TYW1B: variants seen among roughly 807,000 people sequenced by gnomAD.
TYW1B encodes S-adenosyl-L-methionine-dependent tRNA 4-demethylwyosine synthase TYW1B.
TYW1B carries 73 observed loss-of-function variants against 86.9 expected under a neutral mutation model. The observed-to-expected ratio is 0.84, with a 90% confidence interval of 0.70 to 1.02. TYW1B has a LOEUF of 1.02. TYW1B is among the 50% of genes least tolerant of loss of function. TYW1B has a pLI of 0.00. For synonymous variants in TYW1B, 248 were observed against 292.8 expected (o/e 0.85, Z 1.56); for missense variants, 637 against 827.4 (o/e 0.77, Z 2.82).
chr7:72,744,337 C>A (rs1214541326), intron 8 of TYW1B, 147 bp downstream of exon 8: 28 of 797,608 alleles, frequency 3.5e-5, no homozygotes, highest in Non-Finnish European at 4.2e-5. Context: ...TATTTGTCTA[C>A]AAAATTTTTA....
At chr7:72,767,267 T>C (rs1554468663) in intron 7 of TYW1B, among the ~76,000 whole-genome samples, 1 of 152,174 alleles carries the variant, frequency 6.6e-6, no homozygotes, top group Non-Finnish European at 1.5e-5. Flanking sequence ...CCAAGGATAA[T>C]TATTTCAAAA....
intron 11 of TYW1B, among the ~76,000 whole-genome samples, chr7:72,674,584 C>G (rs1340186468): frequency 1.3e-5 from 2 of 152,040 alleles, no homozygotes; most frequent in African/African-American, 2.4e-5. Context: ...CCAAGTCACC[C>G]AACCACGCCT....
intron 13 of TYW1B, among the ~76,000 whole-genome samples, chr7:72,603,507 G>C (rs1585840346): frequency 6.6e-6 from 1 of 152,184 alleles, no homozygotes; most frequent in Admixed American, 6.5e-5. Context: ...AACTTACATA[G>C]ATACTCTGCC....
At chr7:72,703,026 A>ATATATTTT (rs1563064838) in intron 10 of TYW1B, among the ~76,000 whole-genome samples, 2 of 35,200 alleles carry the variant, frequency 5.7e-5, no homozygotes, top group South Asian at 1.2e-3. Context: ...ATATATATAT[A>ATATATTTT]TTTTTTTTTT....
intron 13 of TYW1B, among the ~76,000 whole-genome samples, chr7:72,596,479 C>A (rs1811535339): frequency 6.6e-6 from 1 of 152,028 alleles, no homozygotes; most frequent in Non-Finnish European, 1.5e-5. Flanking sequence ...CAGAAATAAA[C>A]CCTAACAAAT....
At chr7:72,775,318 G>A (rs1287610490) in intron 7 of TYW1B, among the ~76,000 whole-genome samples, 54 of 151,970 alleles carry the variant, frequency 3.6e-4, no homozygotes, top group Non-Finnish European at 5.0e-4. Context: ...CAAGACACTC[G>A]ACAAAACCCA....
At chr7:72,707,093 C>A (rs1273509519) in intron 10 of TYW1B, among the ~76,000 whole-genome samples, 1 of 152,224 alleles carries the variant, frequency 6.6e-6, no homozygotes, top group Non-Finnish European at 1.5e-5. Flanking sequence ...GCCATCGACT[C>A]CTCCTGTCCC....
At position 72,806,415 on chromosome 7, in the gene TYW1B, T is replaced by C. The variant is rs146162199; in HGVS notation, c.723+651A>G. 6.9e-3 allele frequency among the ~76,000 whole-genome samples: 1,044 copies of C among 152,136 alleles called. 10 individuals are homozygous for C. The highest frequency in any genetic ancestry group is 0.024 in the African/African-American group (976 of 41,512). ...CACACCTGGCTAATCTTTGTATTTT[T>C]AGTAGAGGTGGGGTTTCGCCATGTT... On this transcript the variant is annotated intron_variant, in intron 5 of 13. Coordinates refer to ENST00000620995, the MANE Select transcript of TYW1B (RefSeq NM_001145440.3).
chr7:72,600,552 G>A (rs1228969958), intron 13 of TYW1B, among the ~76,000 whole-genome samples: 1 of 152,152 alleles, frequency 6.6e-6, no homozygotes, highest in Admixed American at 6.5e-5. Flanking sequence ...ATAATTAAGA[G>A]AATGAAGAGT....
chr7:72,677,150 G>C (rs560997585), intron 11 of TYW1B, among the ~76,000 whole-genome samples: 1 of 152,118 alleles, frequency 6.6e-6, no homozygotes, highest in African/African-American at 2.4e-5. Flanking sequence ...TGTATTCATT[G>C]ATTCATTCAT....
At chr7:72,632,412 C>CATATATATATATAATATATATATAT (rs1224127244) in intron 11 of TYW1B, among the ~76,000 whole-genome samples, 1 of 80,756 alleles carries the variant, frequency 1.2e-5, no homozygotes, top group Non-Finnish European at 2.2e-5. Context: ...TATATATATA[C>CATATATATATATAATATATATATAT]ATATATATAT....
chr7:72,681,820 C>T (rs1554448518), intron 11 of TYW1B, among the ~76,000 whole-genome samples: 1 of 151,598 alleles, frequency 6.6e-6, no homozygotes, highest in African/African-American at 2.4e-5. Context: ...CTCCTGAACT[C>T]GTGATCCACC....
At chr7:72,810,802 A>G in intron 3 of TYW1B, 137 bp from the exon 4 acceptor site, 2 of 1,263,450 alleles carry the variant, frequency 1.6e-6, no homozygotes, top group African/African-American at 3.0e-5. Flanking sequence ...TTCGAAAGTG[A>G]AGGGCCTGAC....
At chr7:72,825,101 CAAAAAA>C (rs58039217) in intron 2 of TYW1B, among the ~76,000 whole-genome samples, 1 of 75,002 alleles carries the variant, frequency 1.3e-5, no homozygotes. Flanking sequence ...ACCCTGTCTC[CAAAAAA>C]AAAAAAAAAA....
At chr7:72,658,314 T>A (rs1305243110) in intron 11 of TYW1B, among the ~76,000 whole-genome samples, 3 of 150,010 alleles carry the variant, frequency 2.0e-5, no homozygotes, top group African/African-American at 7.3e-5. Flanking sequence ...AAAATGCAAC[T>A]AATTTAACAC....
intron 7 of TYW1B, among the ~76,000 whole-genome samples, chr7:72,758,303 G>A (rs1335494337): frequency 6.6e-6 from 1 of 152,006 alleles, no homozygotes; most frequent in East Asian, 1.9e-4. Flanking sequence ...CTTGAACTCA[G>A]GAGTTCAAGT....
intron 6 of TYW1B, among the ~76,000 whole-genome samples, chr7:72,796,541 AT>A (rs1162823242): frequency 4.7e-5 from 7 of 148,990 alleles, no homozygotes; most frequent in East Asian, 2.0e-4. Context: ...AGGCCAACTA[AT>A]TTTTTTTTTA....
At chr7:72,650,069 G>GTT (rs58355823) in intron 11 of TYW1B, among the ~76,000 whole-genome samples, 3,199 of 131,478 alleles carry the variant, frequency 0.024, 100 homozygotes, top group African/African-American at 0.069. Flanking sequence ...TTTTTTGTTG[G>GTT]TTTTTTTTTT....
chr7:72,731,509 C>T (rs782449890), intron 8 of TYW1B, among the ~76,000 whole-genome samples: 3 of 151,756 alleles, frequency 2.0e-5, no homozygotes, highest in Admixed American at 1.3e-4. Context: ...ATTAAAGTCC[C>T]TTGTTAAAAG....
Sources: gnomAD v4.1 joint callset for allele counts (sites outside exome capture counted in the v4.1 genomes callset) on GRCh38, gnomAD v4.1.1 for gene constraint, MANE v1.5 for transcripts, NCBI Gene and HGNC (gene_info 2026-07-23, HGNC 2026-07-21) for gene names.